Variants in CSMD1 observed in about 807,000 individuals in gnomAD.
CSMD1 encodes CUB and Sushi multiple domains 1, also known as CUB and sushi domain-containing protein 1.
Under a neutral mutation model 417.5 loss-of-function variants are expected in CSMD1, and 213 were observed. The observed-to-expected ratio is 0.51, with a 90% CI of 0.46 to 0.57. The LOEUF is 0.57. Among genes scored for constraint, CSMD1 ranks in the 20% least tolerant of loss-of-function variants. The pLI, the probability that CSMD1 is intolerant of heterozygous loss-of-function variation, is 0.00. For synonymous variants in CSMD1, 2,862 were observed against 1,736.8 expected, an observed-to-expected ratio of 1.65 and a Z score of -16.11; for missense variants, 6,923 against 4,529.7, an observed-to-expected ratio of 1.53 and a Z score of -15.17.
intron 1 of CSMD1, among the ~76,000 whole-genome samples, chr8:4,812,619 A>G (rs1256467540): frequency 6.6e-6 from 1 of 152,202 alleles, no homozygotes; most frequent in African/African-American, 2.4e-5. Flanking sequence ...AAACCTACAT[A>G]CAATATTTTC....
At chr8:3,229,453 T>C (rs1400725202) in intron 27 of CSMD1, among the ~76,000 whole-genome samples, 1 of 152,170 alleles carries the variant, frequency 6.6e-6, no homozygotes, top group Non-Finnish European at 1.5e-5. Context: ...TTGTGATAAA[T>C]TGTCTCAGGT....
At chr8:4,455,445 C>CAA (rs1232525702) in intron 2 of CSMD1, among the ~76,000 whole-genome samples, 1 of 152,100 alleles carries the variant, frequency 6.6e-6, no homozygotes, top group Non-Finnish European at 1.5e-5. Flanking sequence ...AGAAATGATA[C>CAA]AAGCACACAG....
At chr8:4,629,817 T>G (rs1398767114) in intron 2 of CSMD1, among the ~76,000 whole-genome samples, 3 of 152,214 alleles carry the variant, frequency 2.0e-5, no homozygotes, top group Admixed American at 1.3e-4. Context: ...CTTTGTCTGC[T>G]AATAATAGTG....
chr8:4,969,999 A>G (rs998823940), intron 1 of CSMD1, among the ~76,000 whole-genome samples: 1 of 122,516 alleles, frequency 8.2e-6, no homozygotes. Context: ...TGGTCCGTAT[A>G]TTAATTATTT....
intron 49 of CSMD1, among the ~76,000 whole-genome samples, chr8:3,063,960 G>C (rs568860173): frequency 1.3e-5 from 2 of 152,124 alleles, no homozygotes; most frequent in African/African-American, 2.4e-5. Flanking sequence ...ACTTAAAAAT[G>C]AAAAATAATA....
chr8:3,118,112 C>G (rs1422159002), intron 42 of CSMD1, among the ~76,000 whole-genome samples: 1 of 152,172 alleles, frequency 6.6e-6, no homozygotes, highest in Non-Finnish European at 1.5e-5. Flanking sequence ...GATGGCTTCC[C>G]AAGCCTGTGC....
chr8:3,205,287 C>T (rs946356534), intron 31 of CSMD1, among the ~76,000 whole-genome samples: 2 of 152,158 alleles, frequency 1.3e-5, no homozygotes, highest in African/African-American at 2.4e-5. Flanking sequence ...CGGATCATAA[C>T]CCTAGAGGGG....
intron 3 of CSMD1, among the ~76,000 whole-genome samples, chr8:4,170,681 G>A (rs12156181): frequency 1.3e-5 from 2 of 151,346 alleles, no homozygotes; most frequent in African/African-American, 4.9e-5. Context: ...GGAGGAGCTA[G>A]AACTCTGACA....
At position 3,042,702 on chromosome 8, in the gene CSMD1, A is replaced by G. The variant is rs532972829; in HGVS notation, c.7660+9760T>C. 2.6e-5 allele frequency among the ~76,000 whole-genome samples: 4 copies of G among 152,290 alleles called. No individual in the cohort carries two copies. The South Asian group carries it at 6.2e-4, about 24-fold the overall frequency. On this transcript the variant is annotated intron_variant, in intron 50 of 69. Transcript: ENST00000635120. ...TCTGGGCATGATAGCAGTACTTCAT[A>G]GGTTTGTTATAAGAGCTCAGAGATT...
At chr8:4,240,024 C>T (rs115985275) in intron 3 of CSMD1, among the ~76,000 whole-genome samples, 3,438 of 152,136 alleles carry the variant, frequency 0.023, 117 homozygotes, top group African/African-American at 0.079. Flanking sequence ...TCAAGAAGTC[C>T]CACATATTTC....
intron 1 of CSMD1, among the ~76,000 whole-genome samples, chr8:4,894,777 TCTGA>T (rs1294987272): frequency 1.1e-4 from 16 of 151,986 alleles, no homozygotes; most frequent in African/African-American, 2.7e-4. Context: ...TATAAAATCT[TCTGA>T]CTTTTAATTT....
At chr8:3,466,120 G>C (rs1484168242) in intron 12 of CSMD1, among the ~76,000 whole-genome samples, 2 of 151,930 alleles carry the variant, frequency 1.3e-5, no homozygotes, top group African/African-American at 2.4e-5. Flanking sequence ...CATTTCTTAA[G>C]TTCTTACTCC....
At chr8:4,447,635 A>G (rs1798890505) in intron 2 of CSMD1, among the ~76,000 whole-genome samples, 2 of 152,216 alleles carry the variant, frequency 1.3e-5, no homozygotes, top group Non-Finnish European at 2.9e-5. Flanking sequence ...TTCAAAGTCG[A>G]CAGGTTTACG....
intron 3 of CSMD1, among the ~76,000 whole-genome samples, chr8:4,419,195 T>G (rs1249991906): frequency 6.6e-6 from 1 of 152,162 alleles, no homozygotes; most frequent in African/African-American, 2.4e-5. Context: ...CTTTTTAAAT[T>G]TACAGACTCC....
chr8:4,268,730 CA>C (rs1178243203), intron 3 of CSMD1, among the ~76,000 whole-genome samples: 1 of 151,534 alleles, frequency 6.6e-6, no homozygotes, highest in Non-Finnish European at 1.5e-5. Flanking sequence ...CAAATACCCC[CA>C]CTTAATTCTA....
intron 53 of CSMD1, among the ~76,000 whole-genome samples, chr8:2,999,719 A>C (rs991053352): frequency 3.3e-5 from 5 of 152,044 alleles, no homozygotes; most frequent in African/African-American, 1.2e-4. Flanking sequence ...TGAATTGATA[A>C]GCAAATTAAA....
chr8:3,517,639 G>C (rs769853577), intron 10 of CSMD1, among the ~76,000 whole-genome samples: 25 of 152,114 alleles, frequency 1.6e-4, no homozygotes, highest in Non-Finnish European at 2.5e-4. Context: ...TGGGGAAAAA[G>C]GCTTTCTGAA....
chr8:4,223,659 G>C (rs1315411844), intron 3 of CSMD1, among the ~76,000 whole-genome samples: 11 of 152,196 alleles, frequency 7.2e-5, no homozygotes, highest in Admixed American at 6.5e-4. Context: ...ACCCCAGTCT[G>C]TCTGTGCTCT....
chr8:3,171,691 C>G (rs540666939), intron 37 of CSMD1, among the ~76,000 whole-genome samples: 27 of 152,084 alleles, frequency 1.8e-4, no homozygotes, highest in Admixed American at 4.6e-4. Context: ...TATCCTGAAA[C>G]CAAAGGAATT....
Sources: gnomAD v4.1 joint callset for allele counts (sites outside exome capture counted in the v4.1 genomes callset) on GRCh38, gnomAD v4.1.1 for gene constraint, MANE v1.5 for transcripts, NCBI Gene and HGNC (gene_info 2026-07-23, HGNC 2026-07-21) for gene names.